Variants in PPP2R5A observed in about 807,000 individuals in gnomAD.
The protein encoded by PPP2R5A is protein phosphatase 2 regulatory subunit B'alpha.
A neutral mutation model predicts 64.2 loss-of-function variants in PPP2R5A; 25 were observed. The ratio of observed to expected loss-of-function variants is 0.39; its 90% CI spans 0.28 to 0.54. The LOEUF (loss-of-function observed/expected upper bound fraction) is 0.54, where lower values mean the gene tolerates loss of function less well. PPP2R5A is among the 20% of genes least tolerant of loss of function. PPP2R5A has a pLI of 0.67. For missense variants in PPP2R5A, 425 were observed against 576.3 expected, an observed-to-expected ratio of 0.74 and a Z score of 2.69; for synonymous variants, 198 against 201.2, an observed-to-expected ratio of 0.98 and a Z score of 0.13.
At chr1:212,302,447 T>C (rs751775023) in intron 1 of PPP2R5A, among the ~76,000 whole-genome samples, 4 of 152,220 alleles carry the variant, frequency 2.6e-5, no homozygotes, top group Non-Finnish European at 5.9e-5. Flanking sequence ...ATGTGTTGTA[T>C]ACACATTGGT....
intron 4 of PPP2R5A, among the ~76,000 whole-genome samples, chr1:212,342,515 T>C (rs1659702801): frequency 6.6e-6 from 1 of 152,224 alleles, no homozygotes; most frequent in Admixed American, 6.5e-5. Flanking sequence ...TCCTAAATTA[T>C]CATAGTTATT....
chr1:212,337,526 T>A (rs1488230574), intron 3 of PPP2R5A, among the ~76,000 whole-genome samples: 1 of 152,108 alleles, frequency 6.6e-6, no homozygotes, highest in African/African-American at 2.4e-5. Context: ...TTCAAATAAC[T>A]CTTGGCCATA....
At chr1:212,344,216 C>T (rs1659735339) in intron 4 of PPP2R5A, among the ~76,000 whole-genome samples, 1 of 152,172 alleles carries the variant, frequency 6.6e-6, no homozygotes, top group African/African-American at 2.4e-5. Flanking sequence ...TCAAGTGATC[C>T]GCCTGCCTTG....
chr1:212,342,013 G>A (rs1297014938), intron 3 of PPP2R5A, among the ~76,000 whole-genome samples, 175 bp from the exon 4 acceptor site: 1 of 152,114 alleles, frequency 6.6e-6, no homozygotes, highest in African/African-American at 2.4e-5. Context: ...TGTGTTGGGA[G>A]TACAGGTGTG....
intron 1 of PPP2R5A, among the ~76,000 whole-genome samples, chr1:212,291,273 G>A (rs1658598007): frequency 6.6e-6 from 1 of 152,076 alleles, no homozygotes; most frequent in East Asian, 1.9e-4. Flanking sequence ...AGAGATAGGG[G>A]TTTTGCCATG....
intron 1 of PPP2R5A, among the ~76,000 whole-genome samples, chr1:212,312,277 T>G (rs950559678): frequency 6.6e-6 from 1 of 152,212 alleles, no homozygotes; most frequent in Non-Finnish European, 1.5e-5. Flanking sequence ...CATTCTGATA[T>G]TCACACAATG....
intron 8 of PPP2R5A, among the ~76,000 whole-genome samples, chr1:212,349,499 A>G (rs990091414): frequency 6.6e-6 from 1 of 152,172 alleles, no homozygotes; most frequent in African/African-American, 2.4e-5. Flanking sequence ...ATAGGATCAG[A>G]TGACCACAGT....
Position 212,285,909 on chromosome 1 carries a change from A to C in PPP2R5A, c.-202A>C. 4 of 442,304 alleles carry C rather than the reference A, an allele frequency of 9.0e-6. No homozygotes were observed. Among genetic ancestry groups the C allele is most frequent in the East Asian group, 3.9e-5 (1 of 25,704 alleles). 27.4% of individuals were successfully genotyped at this position (442,304 alleles called of 1,614,324 possible). A position where few individuals can be genotyped will look rare whatever the true frequency, so the allele number is the denominator to read the frequency against. On this transcript the variant is annotated 5_prime_UTR_variant, in exon 1 of 13. Transcript: ENST00000261461. The stretch of plus-strand genomic sequence containing the variant: ...GCTCGCCGCGCGCCGGGGACCAGGA[A>C]CCTCCAGCGCTGAGATGTGGCCGTG...
chr1:212,301,115 A>G (rs922294503), intron 1 of PPP2R5A, among the ~76,000 whole-genome samples: 3 of 152,096 alleles, frequency 2.0e-5, no homozygotes, highest in Non-Finnish European at 4.4e-5. Flanking sequence ...GGTTCAAGCA[A>G]TTCTCCTACC....
chr1:212,300,009 T>C (rs1394715822), intron 1 of PPP2R5A, among the ~76,000 whole-genome samples: 2 of 152,126 alleles, frequency 1.3e-5, no homozygotes, highest in African/African-American at 4.8e-5. Flanking sequence ...TAACGGGGTT[T>C]TGCCATGTTG....
chr1:212,309,648 T>G lies in PPP2R5A; in HGVS notation c.182-19487T>G, dbSNP rs1055457840. On this transcript the variant is annotated intron_variant, in intron 1 of 12. Transcript: ENST00000261461. The stretch of plus-strand genomic sequence containing the variant: ...ACTCTCACAGGCAGGTTCTACAACC[T>G]TCTTTTTTTCTGGCACATGGGTTAT... 8 of 511,664 alleles carry G rather than the reference T, an allele frequency of 1.6e-5. No individual in the cohort carries two copies. In the Admixed American group the frequency reaches 2.8e-4, roughly 18 times the overall value. 31.7% of individuals were successfully genotyped at this position (511,664 alleles called of 1,614,324 possible). A position where few individuals can be genotyped will look rare whatever the true frequency, so the allele number is the denominator to read the frequency against.
rs1658492939 is a variant in PPP2R5A at position 212,286,135 on chromosome 1, G to C, written c.25G>C (p.Gly9Arg). Residue 9 changes from glycine to arginine, a missense_variant, in exon 1 of 13, where the codon GGG becomes CGG. Coordinates refer to ENST00000261461, the MANE Select transcript of PPP2R5A (RefSeq NM_006243.4). The part of the protein sequence containing the change: MSSSSPPA[G>R]AASAAISASE... The stretch of plus-strand genomic sequence containing the variant: ...GATGTCGTCGTCGTCGCCGCCGGCG[G>C]GGGCTGCCAGCGCCGCCATCTCGGC... 6.3e-7 allele frequency: 1 copy of C among 1,584,462 alleles called. No individual in the cohort carries two copies. The highest frequency in any genetic ancestry group is 8.6e-7 in the Non-Finnish European group (1 of 1,168,066).
At chr1:212,311,093 T>A (rs1249149629) in intron 1 of PPP2R5A, among the ~76,000 whole-genome samples, 1 of 152,166 alleles carries the variant, frequency 6.6e-6, no homozygotes, top group African/African-American at 2.4e-5. Context: ...CCCCTAGTGA[T>A]GTAGCTTTAG....
chr1:212,298,868 CA>C (rs1318474544), intron 1 of PPP2R5A, among the ~76,000 whole-genome samples: 1 of 39,972 alleles, frequency 2.5e-5, no homozygotes, highest in Non-Finnish European at 4.6e-5. Context: ...GGCGGCTGGC[CA>C]GGCGGGGGGC....
chr1:212,358,582 T>A (rs975415820), intron 11 of PPP2R5A, 104 bp from the exon 12 acceptor site: 10 of 766,130 alleles, frequency 1.3e-5, no homozygotes, highest in Non-Finnish European at 2.1e-5. Flanking sequence ...CTAAAATGGA[T>A]TAAATGAAAT....
intron 8 of PPP2R5A, 44 bp downstream of exon 8, chr1:212,349,286 G>C (rs907400039): frequency 2.1e-6 from 3 of 1,426,164 alleles, no homozygotes. Context: ...TGCATTAATA[G>C]CATTTCATTG....
At chr1:212,325,529 G>T (rs1369496141) in intron 1 of PPP2R5A, among the ~76,000 whole-genome samples, 1 of 152,092 alleles carries the variant, frequency 6.6e-6, no homozygotes, top group Non-Finnish European at 1.5e-5. Context: ...GGGATCTTGT[G>T]TGAGTTTGTA....
chr1:212,297,096 C>CTTTTTTTTTTTTTTTTTTT (rs869112186), intron 1 of PPP2R5A, among the ~76,000 whole-genome samples: 3 of 82,646 alleles, frequency 3.6e-5, no homozygotes, highest in Admixed American at 1.6e-4. Flanking sequence ...TTTGCTTCTT[C>CTTTTTTTTTTTTTTTTTTT]TTTTTTTTTT....
chr1:212,294,151 G>A (rs1452521893), intron 1 of PPP2R5A, among the ~76,000 whole-genome samples: 2 of 151,938 alleles, frequency 1.3e-5, no homozygotes, highest in Non-Finnish European at 2.9e-5. Flanking sequence ...TTAAAAAATT[G>A]TATATTTTGT....
Sources: gnomAD v4.1 joint callset for allele counts (sites outside exome capture counted in the v4.1 genomes callset) on GRCh38, gnomAD v4.1.1 for gene constraint, MANE v1.5 for transcripts, NCBI Gene and HGNC (gene_info 2026-07-23, HGNC 2026-07-21) for gene names.